DPYD: variants seen among roughly 807,000 people sequenced by gnomAD.
The protein encoded by DPYD is dihydropyrimidine dehydrogenase.
In DPYD, 109 loss-of-function variants were observed where a neutral mutation model predicts 116.2. The ratio of observed to expected loss-of-function variants is 0.94; its 90% confidence interval spans 0.80 to 1.10. The LOEUF (loss-of-function observed/expected upper bound fraction) is 1.10, where lower values mean the gene tolerates loss of function less well. DPYD is among the 50% of genes least tolerant of loss of function. The pLI is 0.00. For synonymous variants in DPYD, 440 were observed against 432.0 expected (o/e 1.02, Z -0.23); for missense variants, 1,302 against 1,254.5 (o/e 1.04, Z -0.57).
chr1:97,161,371 A>G (rs570010306), intron 20 of DPYD, among the ~76,000 whole-genome samples: 2 of 152,106 alleles, frequency 1.3e-5, no homozygotes, highest in Non-Finnish European at 2.9e-5. Flanking sequence ...TACTGATACA[A>G]GTAAAACAAC....
chr1:97,694,634 T>C (rs899557117), intron 6 of DPYD, among the ~76,000 whole-genome samples: 2 of 152,138 alleles, frequency 1.3e-5, no homozygotes, highest in African/African-American at 4.8e-5. Context: ...ATTTTATGAG[T>C]TGCTCAGGAC....
intron 18 of DPYD, chr1:97,295,676 C>T (rs1425324863): frequency 2.7e-6 from 2 of 752,348 alleles, no homozygotes; most frequent in Middle Eastern, 6.7e-4. Flanking sequence ...AGCAATCTGC[C>T]CGCCGCAGCT....
chr1:97,417,173 T>C (rs188171022), intron 14 of DPYD, among the ~76,000 whole-genome samples: 3 of 152,308 alleles, frequency 2.0e-5, no homozygotes, highest in African/African-American at 7.2e-5. Flanking sequence ...AGCTTCATAA[T>C]GTCTTGGATA....
intron 14 of DPYD, among the ~76,000 whole-genome samples, chr1:97,396,460 T>A (rs988795878): frequency 6.6e-6 from 1 of 152,032 alleles, no homozygotes; most frequent in African/African-American, 2.4e-5. Flanking sequence ...CTAACCTTAT[T>A]TATATGATCT....
intron 18 of DPYD, among the ~76,000 whole-genome samples, chr1:97,302,774 T>G (rs61081552): frequency 0.076 from 11,509 of 152,070 alleles, 982 homozygotes; most frequent in African/African-American, 0.21. Context: ...ACAATGCTTA[T>G]CCCAACTATA....
At chr1:97,612,911 G>A (rs568553595) in intron 8 of DPYD, among the ~76,000 whole-genome samples, 1 of 151,856 alleles carries the variant, frequency 6.6e-6, no homozygotes, top group Admixed American at 6.6e-5. Context: ...CTACATGGAT[G>A]TTTTTTCATT....
chr1:97,755,652 A>G (rs1156393865), intron 3 of DPYD, among the ~76,000 whole-genome samples: 2 of 152,170 alleles, frequency 1.3e-5, no homozygotes, highest in Non-Finnish European at 2.9e-5. Flanking sequence ...TACCCACCAC[A>G]ACACAATATC....
intron 14 of DPYD, among the ~76,000 whole-genome samples, chr1:97,391,842 C>T (rs552375348): frequency 6.6e-6 from 1 of 152,182 alleles, no homozygotes; most frequent in Non-Finnish European, 1.5e-5. Context: ...TTTGACCACA[C>T]TGAATTGCTT....
Position 97,724,029 on chromosome 1 carries a change from A to G in DPYD, c.322-2358T>C, listed in dbSNP as rs372248417. Among the ~76,000 whole-genome samples the G allele has an allele frequency of 1.2e-4, 18 of 151,816 alleles. 1 individual carries two copies. In the South Asian group the frequency reaches 3.5e-3, roughly 30 times the overall value. On this transcript the variant is annotated intron_variant, in intron 4 of 22. Transcript: ENST00000370192. Reference sequence around the variant, plus strand: ...AAATATACCATATCAGTAGAATAAAAGACAAAAAATCACACAATCATATTA... The same window carrying G: ...AAATATACCATATCAGTAGAATAAAGGACAAAAAATCACACAATCATATTA...
intron 19 of DPYD, among the ~76,000 whole-genome samples, chr1:97,225,552 A>G (rs1226594972): frequency 6.9e-6 from 1 of 145,884 alleles, no homozygotes; most frequent in East Asian, 2.0e-4. Context: ...AAATTTTGAA[A>G]TCAGGTTGTT....
In DPYD at chr1:97,079,809, C is replaced by A. The variant is rs368794233; in HGVS notation, c.2908-663G>T. ...GATTACCACAGCCAGGCCTCCAGCT[C>A]TGAAACGGCTTAGGATTTTGAGAAA... On this transcript the variant is annotated intron_variant, in intron 22 of 22. Coordinates refer to ENST00000370192, the MANE Select transcript of DPYD (RefSeq NM_000110.4). Among the ~76,000 whole-genome samples, 9 of 152,170 alleles carry A rather than the reference C, an allele frequency of 5.9e-5. No homozygotes were observed. In the East Asian group the frequency reaches 1.7e-3, roughly 30 times the overall value.
chr1:97,184,790 T>A (rs532289580), intron 20 of DPYD, among the ~76,000 whole-genome samples: 11 of 152,262 alleles, frequency 7.2e-5, no homozygotes, highest in Admixed American at 2.0e-4. Flanking sequence ...TATAGGTTCT[T>A]TAGGATTTTC....
At position 97,078,775 on chromosome 1, in the gene DPYD, CTATTT is replaced by C. The variant is rs1648955271; in HGVS notation, c.*196_*200del. The stretch of plus-strand genomic sequence containing the variant: ...CTACTATCCTCAGAAAAGAATTATT[CTATTT>C]TATGACCACTAATTGAATGGTCATT... On this transcript the variant is annotated 3_prime_UTR_variant, in exon 23 of 23. Coordinates refer to ENST00000370192, the MANE Select transcript of DPYD (RefSeq NM_000110.4). The C allele has an allele frequency of 6.7e-6, 4 of 598,198 alleles. No homozygotes were observed. In the South Asian group the frequency reaches 8.1e-5, roughly 12 times the overall value. 37.1% of individuals were successfully genotyped at this position (598,198 alleles called of 1,614,324 possible). A position where few individuals can be genotyped will look rare whatever the true frequency, so the allele number is the denominator to read the frequency against.
chr1:97,120,861 A>T (rs894907411), intron 20 of DPYD, among the ~76,000 whole-genome samples: 1 of 152,228 alleles, frequency 6.6e-6, no homozygotes, highest in Non-Finnish European at 1.5e-5. Flanking sequence ...TTTGCTAAAG[A>T]TGTTTGTGAA....
At chr1:97,718,463 G>A (rs1243955601) in intron 5 of DPYD, among the ~76,000 whole-genome samples, 1 of 151,816 alleles carries the variant, frequency 6.6e-6, no homozygotes. Context: ...CTTATAAAAT[G>A]TTTTTGTGAA....
intron 5 of DPYD, among the ~76,000 whole-genome samples, chr1:97,707,497 T>C (rs1030192656): frequency 7.5e-6 from 1 of 133,680 alleles, no homozygotes; most frequent in African/African-American, 2.8e-5. Flanking sequence ...CCTGTGTCCA[T>C]GTGATCTCAT....
rs993344747 is a variant in DPYD at position 97,156,611 on chromosome 1, T to G, written c.2622+36458A>C. On this transcript the variant is annotated intron_variant, in intron 20 of 22. Transcript: ENST00000370192. ...AGAATGGCAATCATTAAAAAGTCAG[T>G]AAACAACAGGTGCTGGAGAGGATGT... Among the ~76,000 whole-genome samples the G allele has an allele frequency of 1.3e-3, 194 of 152,174 alleles. 1 individual carries two copies. The highest frequency in any genetic ancestry group is 4.4e-3 in the African/African-American group (181 of 41,522).
intron 20 of DPYD, among the ~76,000 whole-genome samples, chr1:97,154,130 C>A (rs1655250197): frequency 6.6e-6 from 1 of 152,122 alleles, no homozygotes. Context: ...TTTGATCCAG[C>A]AATCCCACTA....
At chr1:97,706,184 C>T (rs986336613) in intron 5 of DPYD, among the ~76,000 whole-genome samples, 7 of 151,500 alleles carry the variant, frequency 4.6e-5, no homozygotes, top group African/African-American at 1.7e-4. Context: ...ATATTCTAGC[C>T]ACTCTACTAA....
Sources: allele counts gnomAD v4.1 joint callset (sites outside exome capture counted in the v4.1 genomes callset), GRCh38; gene constraint gnomAD v4.1.1; transcripts MANE v1.5; gene names NCBI Gene and HGNC (gene_info 2026-07-23, HGNC 2026-07-21).